GRIK3: variants seen among roughly 807,000 people sequenced by gnomAD.
GRIK3 encodes the protein glutamate receptor ionotropic, kainate 3.
GRIK3 carries 29 observed loss-of-function variants against 102.5 expected under a neutral mutation model. The observed-to-expected ratio is 0.28, with a 90% CI of 0.21 to 0.39. GRIK3 has a LOEUF of 0.39. GRIK3 is among the 10% of genes least tolerant of loss of function. GRIK3 has a pLI of 1.00. For missense variants in GRIK3, 908 were observed against 1,252.4 expected (o/e 0.73, Z 4.15); for synonymous variants, 511 against 504.9 (o/e 1.01, Z -0.16).
intron 1 of GRIK3, among the ~76,000 whole-genome samples, chr1:36,930,957 C>T (rs963543010): frequency 2.6e-5 from 4 of 152,182 alleles, no homozygotes; most frequent in Non-Finnish European, 5.9e-5. Flanking sequence ...CCTGAGATAC[C>T]TGCTGACCCT....
intron 8 of GRIK3, among the ~76,000 whole-genome samples, chr1:36,852,057 C>T (rs1640591858): frequency 6.6e-6 from 1 of 152,172 alleles, no homozygotes; most frequent in Non-Finnish European, 1.5e-5. Context: ...ACTGCAGGAG[C>T]TTAAATAGAA....
intron 1 of GRIK3, among the ~76,000 whole-genome samples, chr1:36,925,527 G>A (rs1019129449): frequency 6.6e-6 from 1 of 152,224 alleles, no homozygotes; most frequent in South Asian, 2.1e-4. Context: ...AGATGGTGGC[G>A]GTAAGCCCCA....
intron 1 of GRIK3, among the ~76,000 whole-genome samples, chr1:36,957,362 AGTCTGTGCCCTGTGAGCCTGTGTG>A (rs1641923815): frequency 1.4e-5 from 2 of 144,294 alleles, no homozygotes; most frequent in East Asian, 2.1e-4. Context: ...ATGCCCCCTG[AGTCTGTGCCCTGTGAGCCTGTGTG>A]CTCTGTGAAT....
intron 1 of GRIK3, among the ~76,000 whole-genome samples, chr1:36,891,952 T>C (rs1400794565): frequency 1.3e-5 from 2 of 152,206 alleles, no homozygotes; most frequent in African/African-American, 2.4e-5. Context: ...TTTTACAATA[T>C]CAGCAAAAAC....
chr1:36,942,321 G>A (rs1641731676), intron 1 of GRIK3, among the ~76,000 whole-genome samples: 1 of 152,242 alleles, frequency 6.6e-6, no homozygotes, highest in African/African-American at 2.4e-5. Flanking sequence ...TTAGGAAAGG[G>A]CCGAGCTGAT....
At chr1:36,923,058 G>A (rs923273964) in intron 1 of GRIK3, among the ~76,000 whole-genome samples, 1 of 152,194 alleles carries the variant, frequency 6.6e-6, no homozygotes, top group Admixed American at 6.5e-5. Flanking sequence ...CTGGGAAGCC[G>A]AGGGCTCTGA....
rs543929344 is a variant in GRIK3, at chr1:37,031,333, A to G, written c.115+2661T>C. Reference sequence around the variant, plus strand: ...TACTTGCAAACCATCCAAGCAATCAATGCCTTGACCTCTCCTTCTGATAGA... The same window carrying G: ...TACTTGCAAACCATCCAAGCAATCAGTGCCTTGACCTCTCCTTCTGATAGA... On this transcript the variant is annotated intron_variant, in intron 1 of 15. Coordinates refer to ENST00000373091, the MANE Select transcript of GRIK3 (RefSeq NM_000831.4). Among the ~76,000 whole-genome samples, 21 of 152,358 alleles carry G rather than the reference A, an allele frequency of 1.4e-4. 1 individual carries two copies. Among genetic ancestry groups the G allele is most frequent in the African/African-American group, 4.1e-4 (17 of 41,580 alleles).
At chr1:36,869,461 A>C (rs932290340) in intron 5 of GRIK3, among the ~76,000 whole-genome samples, 3 of 152,210 alleles carry the variant, frequency 2.0e-5, no homozygotes, top group African/African-American at 7.2e-5. Context: ...CAGAGGAAGA[A>C]ACTGAGGCAG....
Position 36,957,157 on chromosome 1 carries a change from G to A in GRIK3, c.116-66061C>T, listed in dbSNP as rs566303302. Among the ~76,000 whole-genome samples, 4 of 152,374 alleles carry A rather than the reference G, an allele frequency of 2.6e-5. No homozygotes were observed. In the South Asian group the frequency reaches 6.2e-4, roughly 24 times the overall value. ...CATCAGATTGGCTGATTGGGGGCCT[G>A]TGCTCTTATCAATAGAGAGAGAGGG... On this transcript the variant is annotated intron_variant, in intron 1 of 15. Transcript: ENST00000373091.
rs551355282 is a variant in GRIK3, at chr1:36,854,451, G to A, written c.1105-729C>T. On this transcript the variant is annotated intron_variant, in intron 7 of 15. Transcript: ENST00000373091. ...TTGTCATTTTTGTATCGTCATTAGC[G>A]TCATTAATAACACAGAGAGAGGAAG... Among the ~76,000 whole-genome samples, 10 of 152,240 alleles carry A rather than the reference G, an allele frequency of 6.6e-5. No individual in the cohort carries two copies. The East Asian group carries it at 9.7e-4, about 15-fold the overall frequency.
intron 11 of GRIK3, among the ~76,000 whole-genome samples, chr1:36,822,369 A>G (rs1642704784): frequency 6.6e-6 from 1 of 152,084 alleles, no homozygotes; most frequent in African/African-American, 2.4e-5. Flanking sequence ...GCCTCCCGAG[A>G]GGTGAAAGCA....
intron 1 of GRIK3, among the ~76,000 whole-genome samples, chr1:36,955,429 A>G (rs1641894812): frequency 6.6e-6 from 1 of 152,162 alleles, no homozygotes; most frequent in African/African-American, 2.4e-5. Flanking sequence ...CACAGCACCC[A>G]ACACACAGTG....
chr1:36,825,367 T>C (rs780642374), intron 11 of GRIK3, among the ~76,000 whole-genome samples: 3 of 152,062 alleles, frequency 2.0e-5, no homozygotes, highest in East Asian at 1.9e-4. Flanking sequence ...CTCAGAGTTA[T>C]AGACACAGAC....
rs776630128 is a variant in GRIK3, at chr1:36,841,748, C to T, written c.1518G>A (p.Glu506=). ...CATCCATGCTTACGTGGTCGATGAG[C>T]TCCTTGACCATGCCGTTCCACTGGC... ...DKGQWNGMVK[E]LIDHKADLAV... The change falls in exon 10 of 16, where the codon GAG becomes GAA. Residue 506 remains glutamate, a synonymous_variant. Transcript: ENST00000373091. 2 of 1,614,000 alleles carry T rather than the reference C, an allele frequency of 1.2e-6. No individual in the cohort carries two copies. The highest frequency in any genetic ancestry group is 1.1e-5 in the South Asian group (1 of 91,082).
At chr1:36,935,285 T>A (rs1212305446) in intron 1 of GRIK3, among the ~76,000 whole-genome samples, 2 of 152,186 alleles carry the variant, frequency 1.3e-5, no homozygotes, top group East Asian at 1.9e-4. Flanking sequence ...ACTCATTTTT[T>A]AATTTCAATT....
chr1:36,823,547 A>T (rs1642720285), intron 11 of GRIK3, among the ~76,000 whole-genome samples: 1 of 151,904 alleles, frequency 6.6e-6, no homozygotes, highest in African/African-American at 2.4e-5. Context: ...TCACATAAAA[A>T]TCCAAATCTC....
chr1:36,825,474 G>T, intron 11 of GRIK3, 129 bp downstream of exon 11: 1 of 555,964 alleles, frequency 1.8e-6, no homozygotes, highest in South Asian at 3.0e-5. Context: ...CATAGGGAGT[G>T]GAAGAGGAGT....
chr1:36,993,305 C>T (rs1642381928), intron 1 of GRIK3, among the ~76,000 whole-genome samples: 1 of 152,094 alleles, frequency 6.6e-6, no homozygotes, highest in Non-Finnish European at 1.5e-5. Flanking sequence ...ATTGTTCTGT[C>T]ACCCAGGCTG....
rs1427218675 is a variant in GRIK3, at chr1:36,872,901, G to T, written c.551-532C>A. On this transcript the variant is annotated intron_variant, in intron 3 of 15. Transcript: ENST00000373091. The surrounding 1 kb of genome is among the most constrained non-coding windows in gnomAD (Gnocchi z 5.9). ...ACAAAAGGCAGCTCCAGCCTCAGTG[G>T]TACTAACCTGTACCAACCACTGGGC... Among the ~76,000 whole-genome samples, 1 of 152,228 alleles carries T rather than the reference G, an allele frequency of 6.6e-6. No homozygotes were observed. Among genetic ancestry groups the T allele is most frequent in the Non-Finnish European group, 1.5e-5 (1 of 68,044 alleles).
Sources: allele counts gnomAD v4.1 joint callset (sites outside exome capture counted in the v4.1 genomes callset), GRCh38; gene constraint gnomAD v4.1.1; non-coding constraint Gnocchi (gnomAD v3.1); transcripts MANE v1.5; gene names NCBI Gene and HGNC (gene_info 2026-07-23, HGNC 2026-07-21).